The following MYO3A variants were observed in gnomAD, a reference collection of about 807,000 sequenced individuals.
The protein encoded by MYO3A is myosin-IIIa.
MYO3A carries 180 observed loss-of-function variants against 192.7 expected under a neutral mutation model. That is an observed-to-expected ratio of 0.93 (90% CI 0.83 to 1.06). The LOEUF (loss-of-function observed/expected upper bound fraction) is 1.06. Among genes scored for constraint, MYO3A ranks in the 50% least tolerant of loss-of-function variants. MYO3A has a pLI of 0.00. For missense variants in MYO3A, 1,896 were observed against 1,905.0 expected, an observed-to-expected ratio of 1.00 and a Z score of 0.09; for synonymous variants, 628 against 645.3, an observed-to-expected ratio of 0.97 and a Z score of 0.41.
At chr10:26,179,232 G>A (rs1842490939) in intron 31 of MYO3A, among the ~76,000 whole-genome samples, 1 of 150,078 alleles carries the variant, frequency 6.7e-6, no homozygotes, top group South Asian at 2.1e-4. Context: ...CCCAGTAGCT[G>A]GGATTACAGG....
At chr10:26,046,026 A>G (rs1843622458) in intron 10 of MYO3A, among the ~76,000 whole-genome samples, 1 of 152,076 alleles carries the variant, frequency 6.6e-6, no homozygotes, top group African/African-American at 2.4e-5. Context: ...TGCCCTACAC[A>G]TCTCTTTATC....
intron 18 of MYO3A, among the ~76,000 whole-genome samples, chr10:26,122,299 A>AT (rs1408163597): frequency 1.3e-5 from 2 of 152,238 alleles, no homozygotes; most frequent in African/African-American, 4.8e-5. Context: ...ATTAATATGA[A>AT]TATCATTAAA....
chr10:26,037,910 AC>A lies in MYO3A; in HGVS notation c.953+11379del, dbSNP rs535505948. On this transcript the variant is annotated intron_variant, in intron 10 of 34. Coordinates refer to ENST00000642920, the MANE Select transcript of MYO3A (RefSeq NM_017433.5). ...CACCCCCATGATTCAGTCACCTCCC[AC>A]AGGGTCCCTCCCCCCAACATTAGGA... Among the ~76,000 whole-genome samples the A allele has an allele frequency of 1.8e-3, 269 of 152,312 alleles. 1 individual carries two copies. The highest frequency in any genetic ancestry group is 6.0e-3 in the African/African-American group (248 of 41,562).
rs573334201 is a variant in MYO3A at position 26,062,515 on chromosome 10, C to CAAAAAAAAAAAA, written c.954-4453_954-4442dup. Among the ~76,000 whole-genome samples, 415 of 42,070 alleles carry CAAAAAAAAAAAA rather than the reference C, an allele frequency of 9.9e-3. 21 individuals are homozygous for CAAAAAAAAAAAA. Among genetic ancestry groups the CAAAAAAAAAAAA allele is most frequent in the Non-Finnish European group, 0.016 (253 of 15,904 alleles). 27.6% of individuals were successfully genotyped at this position (42,070 alleles called of 152,430 possible). A position where few individuals can be genotyped will look rare whatever the true frequency, so the allele number is the denominator to read the frequency against. ...CTGGCGACAGAGTGAGATGCCATCTCAAAAAAAAAAAAAAAAAATTATGGA... is the reference window on the plus strand; with the variant it reads ...CTGGCGACAGAGTGAGATGCCATCTCAAAAAAAAAAAAAAAAAAAAAAAAAAAAAATTATGGA... On this transcript the variant is annotated intron_variant, in intron 10 of 34. Coordinates refer to ENST00000642920, the MANE Select transcript of MYO3A (RefSeq NM_017433.5).
intron 10 of MYO3A, among the ~76,000 whole-genome samples, chr10:26,045,938 G>C (rs1438504604): frequency 2.0e-5 from 3 of 152,194 alleles, no homozygotes; most frequent in Non-Finnish European, 4.4e-5. Flanking sequence ...GGCTAGCTGA[G>C]CTCTTGCAGG....
chr10:25,980,105 C>T (rs1380357691), intron 4 of MYO3A, among the ~76,000 whole-genome samples: 1 of 151,962 alleles, frequency 6.6e-6, no homozygotes, highest in Non-Finnish European at 1.5e-5. Flanking sequence ...GGCGTGGTGG[C>T]AGGCGCCTGT....
intron 10 of MYO3A, among the ~76,000 whole-genome samples, chr10:26,031,728 G>T (rs921327088): frequency 2.0e-5 from 3 of 152,176 alleles, no homozygotes. Context: ...AAAATTCTGG[G>T]CTCAAGTGAT....
At chr10:26,097,450 A>G (rs972596025) in intron 17 of MYO3A, among the ~76,000 whole-genome samples, 3 of 151,816 alleles carry the variant, frequency 2.0e-5, no homozygotes, top group African/African-American at 2.4e-5. Flanking sequence ...GGTTTGTTAC[A>G]TATGTATACA....
At chr10:26,211,093 A>G (rs953181481) in intron 34 of MYO3A, among the ~76,000 whole-genome samples, 2 of 152,154 alleles carry the variant, frequency 1.3e-5, no homozygotes, top group Admixed American at 6.5e-5. Flanking sequence ...GCACTAGACT[A>G]TAAACTCCAT....
At chr10:26,091,215 C>T (rs1299349885) in intron 15 of MYO3A, among the ~76,000 whole-genome samples, 1 of 152,134 alleles carries the variant, frequency 6.6e-6, no homozygotes, top group Non-Finnish European at 1.5e-5. Context: ...TTAATGAACT[C>T]ACCCTTTCTT....
chr10:26,053,819 C>T (rs56884741), intron 10 of MYO3A, among the ~76,000 whole-genome samples: 3,045 of 120,874 alleles, frequency 0.025, 98 homozygotes, highest in African/African-American at 0.08. Context: ...TGTGAGACTC[C>T]GTTTCAAAAA....
At chr10:26,198,611 T>C (rs1259974818) in intron 32 of MYO3A, among the ~76,000 whole-genome samples, 1 of 152,228 alleles carries the variant, frequency 6.6e-6, no homozygotes, top group Non-Finnish European at 1.5e-5. Flanking sequence ...GAAAGTAAGA[T>C]TGTGCTCACC....
chr10:25,953,217 G>C (rs910322560), intron 3 of MYO3A, among the ~76,000 whole-genome samples: 1 of 152,040 alleles, frequency 6.6e-6, no homozygotes, highest in African/African-American at 2.4e-5. Flanking sequence ...TCTACTAACT[G>C]TGAGATGCTG....
intron 10 of MYO3A, among the ~76,000 whole-genome samples, chr10:26,027,254 A>T (rs1842597422): frequency 6.6e-6 from 1 of 152,202 alleles, no homozygotes; most frequent in Non-Finnish European, 1.5e-5. Context: ...ATTTTAGGAA[A>T]TTTAAAAGTC....
chr10:26,065,601 A>AT (rs1834778565), intron 10 of MYO3A, among the ~76,000 whole-genome samples: 1 of 126,414 alleles, frequency 7.9e-6, no homozygotes, highest in Non-Finnish European at 1.8e-5. Context: ...AAAAAAAAAA[A>AT]AAAAAAAAAA....
intron 32 of MYO3A, 156 bp from the exon 33 acceptor site, chr10:26,201,109 A>T (rs1367772987): frequency 1.5e-5 from 5 of 325,282 alleles, no homozygotes; most frequent in African/African-American, 2.2e-5. Context: ...TGAGTAAATT[A>T]TATTTCTTTA....
intron 10 of MYO3A, among the ~76,000 whole-genome samples, chr10:26,065,172 G>C (rs10828946): frequency 6.6e-6 from 1 of 151,920 alleles, no homozygotes. Context: ...TGTTAAATGC[G>C]CCTGGTAGAT....
intron 6 of MYO3A, among the ~76,000 whole-genome samples, chr10:26,000,650 C>G (rs1840737112): frequency 6.7e-6 from 1 of 148,664 alleles, no homozygotes; most frequent in Admixed American, 6.7e-5. Context: ...AAAGATCAAA[C>G]AGGGTGAAGC....
At chr10:26,075,362 T>G (rs1263984404) in intron 14 of MYO3A, among the ~76,000 whole-genome samples, 1 of 151,712 alleles carries the variant, frequency 6.6e-6, no homozygotes, top group Non-Finnish European at 1.5e-5. Flanking sequence ...TGTGAGATTT[T>G]GGTGCACCCA....
Sources: gnomAD v4.1 joint callset for allele counts (sites outside exome capture counted in the v4.1 genomes callset) on GRCh38, gnomAD v4.1.1 for gene constraint, MANE v1.5 for transcripts, NCBI Gene and HGNC (gene_info 2026-07-23, HGNC 2026-07-21) for gene names.